Variants in SNTG1 observed in about 807,000 individuals in gnomAD.
The protein encoded by SNTG1 is syntrophin gamma 1, also known as gamma-1-syntrophin.
In SNTG1, 39 loss-of-function variants were observed where a neutral mutation model predicts 74.7. The observed-to-expected ratio is 0.52, with a 90% confidence interval of 0.40 to 0.68. The LOEUF is 0.68. Among genes scored for constraint, SNTG1 ranks in the 30% least tolerant of loss-of-function variants. The pLI is 0.00. For synonymous variants in SNTG1, 254 were observed against 217.1 expected (o/e 1.17, Z -1.49); for missense variants, 685 against 609.5 (o/e 1.12, Z -1.30).
intron 15 of SNTG1, among the ~76,000 whole-genome samples, chr8:50,689,705 TTC>T (rs1199833817): frequency 6.6e-6 from 1 of 152,230 alleles, no homozygotes; most frequent in East Asian, 1.9e-4. Flanking sequence ...TGGTCTAAAA[TTC>T]TCTTTTTTCG....
At chr8:50,064,273 T>A (rs1820719927) in intron 1 of SNTG1, among the ~76,000 whole-genome samples, 1 of 152,158 alleles carries the variant, frequency 6.6e-6, no homozygotes. Flanking sequence ...TCTTTGGAAA[T>A]GGCATCAGCT....
intron 2 of SNTG1, among the ~76,000 whole-genome samples, chr8:50,378,907 C>G (rs535212457): frequency 5.3e-5 from 8 of 152,220 alleles, no homozygotes; most frequent in African/African-American, 1.7e-4. Flanking sequence ...AGAAAAGGCA[C>G]CACAAGCTCC....
intron 1 of SNTG1, among the ~76,000 whole-genome samples, chr8:49,966,401 ATT>A (rs942293230): frequency 4.8e-5 from 7 of 145,690 alleles, no homozygotes; most frequent in African/African-American, 1.5e-4. Flanking sequence ...TAATTAATTA[ATT>A]TTTTTTTTTT....
chr8:50,689,861 G>C (rs1235256421), intron 15 of SNTG1, among the ~76,000 whole-genome samples: 2 of 152,198 alleles, frequency 1.3e-5, no homozygotes, highest in African/African-American at 2.4e-5. Flanking sequence ...GAATACGGCT[G>C]TGAATCCATT....
At chr8:50,711,374 A>G (rs1179199671) in intron 17 of SNTG1, among the ~76,000 whole-genome samples, 1 of 152,150 alleles carries the variant, frequency 6.6e-6, no homozygotes, top group Non-Finnish European at 1.5e-5. Flanking sequence ...GTCCTTCTGC[A>G]CTTCATCTTG....
rs116346693 is a variant in SNTG1 at position 50,013,625 on chromosome 8, C to A, written c.-103+101394C>A. Reference sequence around the variant, plus strand: ...GTGTTTAAAATTTTTTAAACTAACACATAATAATTTTACATATCTGTGGGA... The same window carrying A: ...GTGTTTAAAATTTTTTAAACTAACAAATAATAATTTTACATATCTGTGGGA... On this transcript the variant is annotated intron_variant, in intron 1 of 18. Transcript: ENST00000642720. Among the ~76,000 whole-genome samples the A allele has an allele frequency of 7.7e-3, 1,169 of 151,876 alleles. 16 individuals carry two copies. Among genetic ancestry groups the A allele is most frequent in the African/African-American group, 0.026 (1,088 of 41,422 alleles).
At chr8:50,256,944 G>A (rs1463265295) in intron 2 of SNTG1, among the ~76,000 whole-genome samples, 1 of 152,124 alleles carries the variant, frequency 6.6e-6, no homozygotes, top group Non-Finnish European at 1.5e-5. Context: ...CCACCTCTGT[G>A]TTCAGTTCCA....
intron 1 of SNTG1, among the ~76,000 whole-genome samples, chr8:49,979,346 G>T (rs531273925): frequency 6.6e-6 from 1 of 152,302 alleles, no homozygotes; most frequent in South Asian, 2.1e-4. Context: ...TCCTACAGCC[G>T]TTTCAGCAGG....
chr8:50,366,775 A>G (rs971676306), intron 2 of SNTG1, among the ~76,000 whole-genome samples: 17 of 145,332 alleles, frequency 1.2e-4, no homozygotes, highest in Non-Finnish European at 3.0e-5. Context: ...TTATTTAAGA[A>G]CCAATATGGA....
At chr8:50,079,854 T>C (rs1381184250) in intron 1 of SNTG1, among the ~76,000 whole-genome samples, 2 of 152,086 alleles carry the variant, frequency 1.3e-5, no homozygotes, top group Non-Finnish European at 2.9e-5. Context: ...GATCAGATGG[T>C]TGTAGATGTG....
intron 3 of SNTG1, 42 bp downstream of exon 3, chr8:50,394,307 A>G: frequency 1.2e-6 from 2 of 1,600,210 alleles, no homozygotes; most frequent in Non-Finnish European, 1.7e-6. Flanking sequence ...GGAAAACAGA[A>G]TATAAGCGGG....
intron 8 of SNTG1, among the ~76,000 whole-genome samples, chr8:50,487,266 G>A (rs1244165360): frequency 6.6e-6 from 1 of 152,152 alleles, no homozygotes; most frequent in East Asian, 1.9e-4. Context: ...CAACCATTGT[G>A]GAAGTCAGTG....
chr8:50,649,072 C>G (rs1240154380), intron 13 of SNTG1, among the ~76,000 whole-genome samples: 1 of 152,136 alleles, frequency 6.6e-6, no homozygotes, highest in East Asian at 1.9e-4. Flanking sequence ...TTACTCTATA[C>G]TCGTACTATA....
At chr8:50,546,840 G>A (rs2094391821) in intron 11 of SNTG1, among the ~76,000 whole-genome samples, 1 of 152,108 alleles carries the variant, frequency 6.6e-6, no homozygotes, top group African/African-American at 2.4e-5. Context: ...GGAGTGCAGT[G>A]GTGCAATCTC....
chr8:49,923,807 T>C (rs1048250088), intron 1 of SNTG1, among the ~76,000 whole-genome samples: 2 of 152,196 alleles, frequency 1.3e-5, no homozygotes, highest in African/African-American at 4.8e-5. Context: ...TGTATGGCAG[T>C]GTTTTGAACA....
At chr8:50,236,540 T>G (rs1474468866) in intron 2 of SNTG1, among the ~76,000 whole-genome samples, 2 of 147,138 alleles carry the variant, frequency 1.4e-5, no homozygotes, top group African/African-American at 5.0e-5. Flanking sequence ...AAGCTCCACC[T>G]CCTGGGTTCA....
intron 12 of SNTG1, among the ~76,000 whole-genome samples, chr8:50,578,785 G>A (rs1408200524): frequency 1.3e-5 from 2 of 152,146 alleles, no homozygotes; most frequent in Admixed American, 6.6e-5. Flanking sequence ...TGTTTCCTGA[G>A]GGCCTCCCTA....
intron 2 of SNTG1, among the ~76,000 whole-genome samples, chr8:50,252,823 A>G (rs2086700969): frequency 6.6e-6 from 1 of 152,226 alleles, no homozygotes; most frequent in South Asian, 2.1e-4. Flanking sequence ...ATTGACAGTC[A>G]CATTTCAACA....
At chr8:50,180,750 C>CT (rs60630226) in intron 2 of SNTG1, among the ~76,000 whole-genome samples, 3,186 of 80,614 alleles carry the variant, frequency 0.04, 372 homozygotes, top group African/African-American at 0.082. Flanking sequence ...ATTGTGAAGC[C>CT]TTTTTTTTTT....
Sources: gnomAD v4.1 joint callset for allele counts (sites outside exome capture counted in the v4.1 genomes callset) on GRCh38, gnomAD v4.1.1 for gene constraint, MANE v1.5 for transcripts, NCBI Gene and HGNC (gene_info 2026-07-23, HGNC 2026-07-21) for gene names.